The following SIN3A variants were observed in gnomAD, a reference collection of about 807,000 sequenced individuals.
SIN3A encodes the protein paired amphipathic helix protein Sin3a.
SIN3A carries 14 observed loss-of-function variants against 146.1 expected under a neutral mutation model. That is an observed-to-expected ratio of 0.10 (90% CI 0.06 to 0.15). SIN3A has a LOEUF of 0.15. SIN3A is among the 10% of genes least tolerant of loss of function. The probability of loss-of-function intolerance (pLI) is 1.00; values close to 1 mark genes in which losing one functional copy is unlikely to be tolerated. For synonymous variants in SIN3A, 572 were observed against 572.0 expected, an observed-to-expected ratio of 1.00 and a Z score of 0.00; for missense variants, 1,028 against 1,576.0, an observed-to-expected ratio of 0.65 and a Z score of 5.89.
intron 9 of SIN3A, among the ~76,000 whole-genome samples, chr15:75,403,417 C>T (rs529282560): frequency 1.2e-3 from 182 of 150,888 alleles, no homozygotes; most frequent in African/African-American, 4.2e-3. Context: ...GCAATAAGAG[C>T]GAAACTCCGT....
chr15:75,401,998 G>GT, intron 9 of SIN3A, 28 bp from the exon 10 acceptor site: 1 of 1,445,998 alleles, frequency 6.9e-7, no homozygotes, highest in Non-Finnish European at 9.7e-7. Flanking sequence ...AAGAAAAACA[G>GT]TTTTTGTTTT....
At position 75,370,427 on chromosome 15, in the gene SIN3A, C is replaced by G. The variant is rs1266960043; in HGVS notation, c.*1552G>C. ...TGCTGAAGAAAAATCCACCAGAGTA[C>G]TGGGAGGGGCTCAGTTGGTCTTTGT... On this transcript the variant is annotated 3_prime_UTR_variant, in exon 21 of 21. Coordinates refer to ENST00000394947, the MANE Select transcript of SIN3A (RefSeq NM_001145358.2). 1 of 152,138 alleles carries G rather than the reference C, an allele frequency of 6.6e-6. No individual in the cohort carries two copies. The highest frequency in any genetic ancestry group is 1.5e-5 in the Non-Finnish European group (1 of 68,026). 9.4% of individuals were successfully genotyped at this position (152,138 alleles called of 1,614,324 possible). A position where few individuals can be genotyped will look rare whatever the true frequency, so the allele number is the denominator to read the frequency against.
chr15:75,392,126 A>AGG lies in SIN3A; in HGVS notation c.2851+115_2851+116insCC, dbSNP rs1326658216. 394 of 939,688 alleles carry AGG rather than the reference A, an allele frequency of 4.2e-4. 1 individual carries two copies. Among genetic ancestry groups the AGG allele is most frequent in the African/African-American group, 2.5e-3 (150 of 60,902 alleles). 58.2% of individuals were successfully genotyped at this position (939,688 alleles called of 1,614,324 possible). A position where few individuals can be genotyped will look rare whatever the true frequency, so the allele number is the denominator to read the frequency against. ...CAGATAAACAGGTTCAGAGAGTTTA[A>AGG]CTACACAGACTCTAATGCCTGTGCT... On this transcript the variant is annotated intron_variant, in intron 15 of 20. Transcript: ENST00000394947.
intron 9 of SIN3A, among the ~76,000 whole-genome samples, chr15:75,403,371 A>T (rs568496477): frequency 5.4e-5 from 8 of 149,484 alleles, no homozygotes; most frequent in Non-Finnish European, 1.0e-4. Context: ...CAGAGGTTGC[A>T]GTGAGCCAAG....
intron 17 of SIN3A, among the ~76,000 whole-genome samples, chr15:75,383,564 T>C (rs2073019572): frequency 6.6e-6 from 1 of 150,996 alleles, no homozygotes; most frequent in African/African-American, 2.4e-5. Context: ...AGTCTCGCTC[T>C]GTCTCCCAGG....
At chr15:75,449,046 T>C (rs1302107317) in intron 1 of SIN3A, among the ~76,000 whole-genome samples, 3 of 152,240 alleles carry the variant, frequency 2.0e-5, no homozygotes, top group Admixed American at 6.5e-5. Context: ...ACCAGGTTCT[T>C]ACTTGAATCC....
chr15:75,427,350 G>T (rs1468755332), intron 2 of SIN3A, among the ~76,000 whole-genome samples: 1 of 151,224 alleles, frequency 6.6e-6, no homozygotes, highest in Non-Finnish European at 1.5e-5. Flanking sequence ...TCCAGCTGGG[G>T]CGACAGAGCG....
chr15:75,416,037 G>T (rs767671254), intron 3 of SIN3A: 53 of 317,356 alleles, frequency 1.7e-4, no homozygotes, highest in Admixed American at 2.4e-4. Flanking sequence ...TGCATTTTTG[G>T]TAACTGTGTA....
intron 16 of SIN3A, chr15:75,388,977 CATT>C (rs1342807076): frequency 6.6e-6 from 1 of 152,110 alleles, no homozygotes; most frequent in African/African-American, 2.4e-5. Flanking sequence ...TTTTTTATAT[CATT>C]GTTGTAAAGA....
chr15:75,378,028 G>A (rs2072895950), intron 19 of SIN3A, among the ~76,000 whole-genome samples: 1 of 152,204 alleles, frequency 6.6e-6, no homozygotes, highest in Non-Finnish European at 1.5e-5. Context: ...AATACTTAAA[G>A]ATGTGTTTGA....
Position 75,422,743 on chromosome 15 carries a change from C to T in SIN3A, c.270G>A (p.Ala90=), listed in dbSNP as rs372133172. 7.4e-6 allele frequency: 12 copies of T among 1,614,048 alleles called. No homozygotes were observed. The highest frequency in any genetic ancestry group is 1.3e-5 in the African/African-American group (1 of 74,912). ...CCACCTGGCCTCCGTGGGGCTGCACCGCTGTTGGGTGATGATGGCTGCTAT... is the reference window on the plus strand; with the variant it reads ...CCACCTGGCCTCCGTGGGGCTGCACTGCTGTTGGGTGATGATGGCTGCTAT... The part of the protein sequence containing the change: ...AVHSSHHHPT[A]VQPHGGQVVQ... Residue 90 remains alanine, a synonymous_variant, in exon 3 of 21, where the codon GCG becomes GCA. Transcript: ENST00000394947.
At chr15:75,417,319 A>G (rs2073757785) in intron 3 of SIN3A, among the ~76,000 whole-genome samples, 1 of 151,954 alleles carries the variant, frequency 6.6e-6, no homozygotes, top group Non-Finnish European at 1.5e-5. Context: ...ATTATACAAA[A>G]TATCAGGTTT....
chr15:75,384,819 G>C (rs955093693), intron 16 of SIN3A, among the ~76,000 whole-genome samples: 6 of 151,992 alleles, frequency 3.9e-5, no homozygotes, highest in East Asian at 1.9e-4. Flanking sequence ...TTTCTCATTT[G>C]ATCTTCACAA....
Position 75,374,141 on chromosome 15 carries a change from G to A in SIN3A, c.3591+1524C>T, listed in dbSNP as rs2072809641. On this transcript the variant is annotated intron_variant, in intron 20 of 20. Transcript: ENST00000394947. ...AAACTAATCAGGCACCATCCTTGAT[G>A]TCCTTCTTTTGCTTACCCCCACATT... 1.3e-5 allele frequency among the ~76,000 whole-genome samples: 2 copies of A among 152,146 alleles called. 1 individual carries two copies.
rs1165801509 is a variant in SIN3A at position 75,400,959 on chromosome 15, A to G, written c.1527-19T>C. Reference sequence around the variant, plus strand: ...GAATTTCCTGAAGAATCAAACCAAAAAGTGACAAGCAATTAGGGGCAGGAT... The same window carrying G: ...GAATTTCCTGAAGAATCAAACCAAAGAGTGACAAGCAATTAGGGGCAGGAT... On this transcript the variant is annotated intron_variant, in intron 10 of 20. Coordinates refer to ENST00000394947, the MANE Select transcript of SIN3A (RefSeq NM_001145358.2). The G allele has an allele frequency of 4.4e-6, 7 of 1,577,540 alleles. No homozygotes were observed. Among genetic ancestry groups the G allele is most frequent in the African/African-American group, 1.3e-5 (1 of 74,138 alleles).
intron 10 of SIN3A, 25 bp downstream of exon 10, chr15:75,401,827 G>C: frequency 7.3e-7 from 1 of 1,374,026 alleles, no homozygotes; most frequent in Non-Finnish European, 1.0e-6. Context: ...TCATGCATCA[G>C]GGCTAAGCCC....
intron 9 of SIN3A, among the ~76,000 whole-genome samples, chr15:75,402,528 A>T (rs936778844): frequency 6.6e-6 from 1 of 152,104 alleles, no homozygotes; most frequent in Non-Finnish European, 1.5e-5. Flanking sequence ...ATAAGTAAAA[A>T]AATAAAATAA....
In SIN3A at chr15:75,401,080, G is replaced by T. The variant is rs1260657403; in HGVS notation, c.1527-140C>A. ...TTCCTGCCTAAGAAGAACTGCTTCTGAGCATTTGGTTTCCCCTTTTTCTAA... is the reference window on the plus strand; with the variant it reads ...TTCCTGCCTAAGAAGAACTGCTTCTTAGCATTTGGTTTCCCCTTTTTCTAA... On this transcript the variant is annotated intron_variant, in intron 10 of 20. Coordinates refer to ENST00000394947, the MANE Select transcript of SIN3A (RefSeq NM_001145358.2). 2.7e-5 allele frequency: 17 copies of T among 635,630 alleles called. No homozygotes were observed. In the East Asian group the frequency reaches 4.6e-4, roughly 17 times the overall value. The allele number at this position is 635,630 out of a possible 1,614,324, so 39.4% of individuals were successfully genotyped here.
intron 1 of SIN3A, among the ~76,000 whole-genome samples, chr15:75,439,343 T>A (rs1388027807): frequency 1.3e-5 from 2 of 151,570 alleles, no homozygotes; most frequent in Non-Finnish European, 2.9e-5. Context: ...CTGTCACATA[T>A]CTTTTTTTTT....
Sources: allele counts gnomAD v4.1 joint callset (sites outside exome capture counted in the v4.1 genomes callset), GRCh38; gene constraint gnomAD v4.1.1; transcripts MANE v1.5; gene names NCBI Gene and HGNC (gene_info 2026-07-23, HGNC 2026-07-21).